Variants in CPNE4 observed in about 807,000 individuals in gnomAD.
CPNE4 encodes the protein copine 4, also known as copine-4.
Under a neutral mutation model 67.9 loss-of-function variants are expected in CPNE4, and 25 were observed. The observed-to-expected ratio is 0.37, with a 90% CI of 0.27 to 0.51. CPNE4 has a LOEUF of 0.51. Ranked by LOEUF, CPNE4 falls within the 20% of genes least tolerant of loss-of-function variation. The pLI is 0.93. For missense variants in CPNE4, 464 were observed against 690.8 expected, an observed-to-expected ratio of 0.67 and a Z score of 3.68; for synonymous variants, 242 against 244.9, an observed-to-expected ratio of 0.99 and a Z score of 0.11.
At chr3:131,809,034 C>T (rs1192032168) in intron 2 of CPNE4, among the ~76,000 whole-genome samples, 4 of 152,026 alleles carry the variant, frequency 2.6e-5, no homozygotes, top group Admixed American at 1.3e-4. Context: ...TGTGTAAGTG[C>T]GTGCATGTGT....
intron 7 of CPNE4, among the ~76,000 whole-genome samples, chr3:131,666,935 G>A (rs1247163913): frequency 1.3e-5 from 2 of 152,160 alleles, no homozygotes; most frequent in Non-Finnish European, 2.9e-5. Context: ...GAGAGACTCT[G>A]GCAAACATAA....
chr3:131,787,831 C>T (rs775303326), intron 2 of CPNE4, among the ~76,000 whole-genome samples: 16 of 152,084 alleles, frequency 1.1e-4, no homozygotes, highest in Non-Finnish European at 1.0e-4. Flanking sequence ...GAAGACCGTA[C>T]AGGACATATC....
intron 2 of CPNE4, among the ~76,000 whole-genome samples, chr3:131,849,672 T>C (rs1475723602): frequency 6.6e-6 from 1 of 152,132 alleles, no homozygotes; most frequent in African/African-American, 2.4e-5. Flanking sequence ...TAAGAGTCCT[T>C]GTTTGATTAT....
chr3:131,785,950 T>C (rs1297024541), intron 2 of CPNE4, among the ~76,000 whole-genome samples: 1 of 152,170 alleles, frequency 6.6e-6, no homozygotes, highest in African/African-American at 2.4e-5. Context: ...CTCCCATATA[T>C]GACCAGCTTT....
rs2017586 is a variant in CPNE4, at chr3:132,006,935, A to G, written c.-2+27632T>C. ...AAATGAGTTCTAAAAGAAACAGCAC[A>G]TCAGAGTTGGATGTAATTCCCCTGC... is the stretch of plus-strand genomic sequence containing the variant. On this transcript the variant is annotated intron_variant, in intron 1 of 15. Transcript: ENST00000429747. Among the ~76,000 whole-genome samples, 120 of 152,314 alleles carry G rather than the reference A, an allele frequency of 7.9e-4. 1 individual carries two copies. The highest frequency in any genetic ancestry group is 1.5e-3 in the South Asian group (7 of 4,826).
chr3:131,787,369 T>A (rs928942304), intron 2 of CPNE4, among the ~76,000 whole-genome samples: 19 of 152,292 alleles, frequency 1.2e-4, no homozygotes, highest in African/African-American at 4.6e-4. Context: ...AATGCGGGGT[T>A]GATGAAGTCT....
At chr3:131,616,361 G>T (rs1310653432) in intron 7 of CPNE4, among the ~76,000 whole-genome samples, 6 of 152,186 alleles carry the variant, frequency 3.9e-5, no homozygotes, top group Non-Finnish European at 8.8e-5. Context: ...AGTTCTGAAA[G>T]ATTTTTCTGA....
intron 2 of CPNE4, among the ~76,000 whole-genome samples, chr3:131,817,983 G>T (rs1376603474): frequency 6.6e-6 from 1 of 152,142 alleles, no homozygotes; most frequent in East Asian, 1.9e-4. Flanking sequence ...TATTTAAAAA[G>T]TGCACCTTGT....
At chr3:131,939,893 G>A (rs998256558) in intron 1 of CPNE4, among the ~76,000 whole-genome samples, 5 of 152,094 alleles carry the variant, frequency 3.3e-5, no homozygotes, top group Non-Finnish European at 7.4e-5. Flanking sequence ...GCACGTTCAG[G>A]TAGGTATTAA....
chr3:131,936,548 C>A (rs67215463), intron 1 of CPNE4, among the ~76,000 whole-genome samples: 25,228 of 151,760 alleles, frequency 0.17, 2,468 homozygotes, highest in African/African-American at 0.28. Context: ...TCCTGTGCAT[C>A]ACTAATTCAG....
At chr3:131,712,681 T>C (rs1482449256) in intron 3 of CPNE4, among the ~76,000 whole-genome samples, 1 of 152,250 alleles carries the variant, frequency 6.6e-6, no homozygotes, top group Admixed American at 6.5e-5. Flanking sequence ...ACTGGCCGTT[T>C]GCCATACTAT....
chr3:131,700,327 A>G (rs370019933), intron 3 of CPNE4, among the ~76,000 whole-genome samples: 48 of 152,196 alleles, frequency 3.2e-4, no homozygotes, highest in African/African-American at 1.1e-3. Flanking sequence ...TTTCAAAATG[A>G]TCTCAAATAT....
intron 1 of CPNE4, among the ~76,000 whole-genome samples, chr3:132,002,131 C>T (rs1358053073): frequency 2.6e-5 from 4 of 152,160 alleles, no homozygotes; most frequent in Non-Finnish European, 4.4e-5. Context: ...GCACCCACAC[C>T]CACTATGGTG....
At chr3:131,894,573 C>G (rs1040320815) in intron 2 of CPNE4, among the ~76,000 whole-genome samples, 1 of 151,690 alleles carries the variant, frequency 6.6e-6, no homozygotes, top group Non-Finnish European at 1.5e-5. Context: ...AGACATTTCT[C>G]AAAAGAAGAC....
At chr3:131,987,874 A>G in intron 1 of CPNE4, among the ~76,000 whole-genome samples, 1 of 152,198 alleles carries the variant, frequency 6.6e-6, no homozygotes, top group East Asian at 1.9e-4. Flanking sequence ...AGGGTGACTT[A>G]CAAGTCGATT....
upstream of CPNE4, chr3:132,037,812 G>A (rs2074364465): frequency 1.8e-6 from 1 of 543,318 alleles, no homozygotes; most frequent in Non-Finnish European, 3.3e-6. Flanking sequence ...AATGAAGCCA[G>A]GGAACAAAAG....
At chr3:131,655,464 G>A (rs1304308964) in intron 7 of CPNE4, among the ~76,000 whole-genome samples, 4 of 152,202 alleles carry the variant, frequency 2.6e-5, no homozygotes, top group African/African-American at 9.6e-5. Context: ...AGCTTATGAA[G>A]AAGGCCAGCT....
chr3:131,602,247 C>G (rs1399845085), intron 7 of CPNE4, among the ~76,000 whole-genome samples: 1 of 152,122 alleles, frequency 6.6e-6, no homozygotes, highest in Non-Finnish European at 1.5e-5. Context: ...CTGGCTCCCA[C>G]TGTGTTCTTC....
intron 1 of CPNE4, among the ~76,000 whole-genome samples, chr3:132,029,441 C>G (rs1432994146): frequency 1.3e-5 from 2 of 152,150 alleles, no homozygotes; most frequent in Non-Finnish European, 2.9e-5. Context: ...GCTTATGGGT[C>G]CCGGAGGTTG....
Sources: allele counts gnomAD v4.1 joint callset (sites outside exome capture counted in the v4.1 genomes callset), GRCh38; gene constraint gnomAD v4.1.1; transcripts MANE v1.5; gene names NCBI Gene and HGNC (gene_info 2026-07-23, HGNC 2026-07-21).